Variants in HTR2C observed in about 807,000 individuals in gnomAD.
HTR2C encodes 5-hydroxytryptamine (serotonin) receptor 2C, G protein-coupled.
HTR2C carries 5 observed loss-of-function variants against 21.0 expected under a neutral mutation model. The ratio of observed to expected loss-of-function variants is 0.24; its 90% CI spans 0.12 to 0.50. The LOEUF (loss-of-function observed/expected upper bound fraction) is 0.50, where lower values mean the gene tolerates loss of function less well. Among genes scored for constraint, HTR2C ranks in the 20% least tolerant of loss-of-function variants. HTR2C has a pLI of 0.98. For synonymous variants in HTR2C, 150 were observed against 145.3 expected (o/e 1.03, Z -0.23); for missense variants, 271 against 371.2 (o/e 0.73, Z 2.22).
intron 2 of HTR2C, chrX:114,651,622 T>C (rs782283584): frequency 7.4e-4 from 93 of 125,155 alleles, no homozygotes; most frequent in Non-Finnish European, 1.4e-3. Flanking sequence ...ATAATAGAGA[T>C]TGAAAGACAG....
At chrX:114,675,355 A>T (rs1556412359) in intron 2 of HTR2C, among the ~76,000 whole-genome samples, 1 of 112,085 alleles carries the variant, frequency 8.9e-6, no homozygotes, top group Non-Finnish European at 1.9e-5. Context: ...TTTACTTTTA[A>T]TTTCAACTCT....
chrX:114,793,042 A>C (rs1372327033), intron 4 of HTR2C, among the ~76,000 whole-genome samples: 1 of 111,631 alleles, frequency 9.0e-6, no homozygotes, highest in Non-Finnish European at 1.9e-5. Flanking sequence ...AGATTGCAGA[A>C]ATTTTCTCCC....
chrX:114,624,727 T>A (rs1257746075), intron 2 of HTR2C, among the ~76,000 whole-genome samples: 1 of 111,932 alleles, frequency 8.9e-6, no homozygotes, highest in East Asian at 2.8e-4. Context: ...GAACTCCTGA[T>A]AGTTTAGAGT....
At chrX:114,727,375 G>T (rs782657915) in intron 3 of HTR2C, among the ~76,000 whole-genome samples, 81 of 111,722 alleles carry the variant, frequency 7.3e-4, no homozygotes, top group African/African-American at 2.4e-3. Context: ...AAAAGAAAAG[G>T]TTGGAAGTTA....
At chrX:114,875,470 T>C (rs1183888444) in intron 5 of HTR2C, among the ~76,000 whole-genome samples, 2 of 111,929 alleles carry the variant, frequency 1.8e-5, no homozygotes, top group Non-Finnish European at 3.8e-5. Flanking sequence ...GTGTTATATC[T>C]AAAAAATTAT....
intron 4 of HTR2C, among the ~76,000 whole-genome samples, chrX:114,824,599 T>C (rs782278800): frequency 5.4e-5 from 6 of 111,708 alleles, no homozygotes; most frequent in Admixed American, 1.9e-4. Flanking sequence ...TTCCACTGAC[T>C]TTAAATTAGG....
At chrX:114,635,813 G>A (rs1929820731) in intron 2 of HTR2C, among the ~76,000 whole-genome samples, 1 of 111,740 alleles carries the variant, frequency 8.9e-6, no homozygotes, top group South Asian at 3.7e-4. Flanking sequence ...TTTCTTGCAG[G>A]TAAATGTTCC....
chrX:114,632,103 G>C (rs1413741006), intron 2 of HTR2C, among the ~76,000 whole-genome samples: 1 of 112,347 alleles, frequency 8.9e-6, no homozygotes, highest in Admixed American at 9.5e-5. Context: ...CTGGAGGCAA[G>C]CTTTAGAAGA....
chrX:114,865,959 G>C (rs2071042470), intron 5 of HTR2C, among the ~76,000 whole-genome samples: 1 of 110,636 alleles, frequency 9.0e-6, no homozygotes, highest in African/African-American at 3.3e-5. Flanking sequence ...AGGATTACAG[G>C]CATGCACCAC....
intron 2 of HTR2C, among the ~76,000 whole-genome samples, chrX:114,632,463 A>C (rs1027293142): frequency 8.9e-6 from 1 of 111,742 alleles, no homozygotes; most frequent in African/African-American, 3.2e-5. Flanking sequence ...ATTTTCAGAC[A>C]ATTGAGACAA....
chrX:114,850,888 A>G (rs1472568685), intron 5 of HTR2C, among the ~76,000 whole-genome samples: 7 of 111,286 alleles, frequency 6.3e-5, no homozygotes, highest in African/African-American at 2.3e-4. Context: ...GTAAAAGGAT[A>G]AAAACAAACA....
intron 4 of HTR2C, among the ~76,000 whole-genome samples, chrX:114,801,476 A>AT (rs781941517): frequency 4.5e-5 from 5 of 110,939 alleles, no homozygotes; most frequent in South Asian, 7.6e-4. Context: ...CTTTACATAG[A>AT]TTTTTTTAAT....
At chrX:114,761,483 C>T (rs1249595162) in intron 4 of HTR2C, among the ~76,000 whole-genome samples, 1 of 111,431 alleles carries the variant, frequency 9.0e-6, no homozygotes, top group East Asian at 2.8e-4. Context: ...AGACAACAAT[C>T]AACCCATTTC....
chrX:114,611,950 G>A (rs1215762803), intron 1 of HTR2C, among the ~76,000 whole-genome samples: 1 of 110,111 alleles, frequency 9.1e-6, no homozygotes, highest in Non-Finnish European at 1.9e-5. Flanking sequence ...TCCTGCCTTG[G>A]CCTCCCAAAG....
chrX:114,705,709 G>A (rs1932754314), intron 2 of HTR2C, among the ~76,000 whole-genome samples: 2 of 62,434 alleles, frequency 3.2e-5, no homozygotes, highest in African/African-American at 9.6e-5. Context: ...TTGACAAATG[G>A]GATCTAATTA....
chrX:114,860,379 T>TAA (rs1204724319), intron 5 of HTR2C, among the ~76,000 whole-genome samples: 1 of 111,207 alleles, frequency 9.0e-6, no homozygotes, highest in African/African-American at 3.2e-5. Context: ...TTATCTCTCC[T>TAA]AATACTTTTT....
chrX:114,901,881 T>C (rs1343365678), intron 5 of HTR2C, among the ~76,000 whole-genome samples: 6 of 111,430 alleles, frequency 5.4e-5, no homozygotes, highest in Admixed American at 1.9e-4. Context: ...CTGGATTGAA[T>C]AAAATATATA....
At chrX:114,669,358 T>A (rs1157567593) in intron 2 of HTR2C, among the ~76,000 whole-genome samples, 1 of 112,013 alleles carries the variant, frequency 8.9e-6, no homozygotes, top group South Asian at 3.7e-4. Flanking sequence ...AGCTTTTTCA[T>A]TGGAGAAGAA....
intron 2 of HTR2C, among the ~76,000 whole-genome samples, chrX:114,657,404 A>G (rs782443406): frequency 8.4e-4 from 93 of 111,224 alleles, no homozygotes; most frequent in African/African-American, 2.8e-3. Flanking sequence ...GGTTGCATAC[A>G]TGGAACCCAC....
Sources: gnomAD v4.1 joint callset for allele counts (sites outside exome capture counted in the v4.1 genomes callset) on GRCh38, gnomAD v4.1.1 for gene constraint, MANE v1.5 for transcripts, NCBI Gene and HGNC (gene_info 2026-07-23, HGNC 2026-07-21) for gene names.